ITGA1: variants seen among roughly 807,000 people sequenced by gnomAD.
The protein encoded by ITGA1 is integrin alpha-1.
In ITGA1, 85 loss-of-function variants were observed where a neutral mutation model predicts 145.9. The ratio of observed to expected loss-of-function variants is 0.58; its 90% CI spans 0.49 to 0.70. ITGA1 has a LOEUF of 0.70. Among genes scored for constraint, ITGA1 ranks in the 30% least tolerant of loss-of-function variants. The pLI is 0.00. For synonymous variants in ITGA1, 520 were observed against 495.3 expected (o/e 1.05, Z -0.66); for missense variants, 1,351 against 1,418.7 (o/e 0.95, Z 0.77).
chr5:52,914,591 G>A (rs1158825221), intron 14 of ITGA1, among the ~76,000 whole-genome samples: 1 of 134,376 alleles, frequency 7.4e-6, no homozygotes, highest in Non-Finnish European at 1.7e-5. Flanking sequence ...AGCCGAGATA[G>A]CGTCTCAAAA....
intron 1 of ITGA1, among the ~76,000 whole-genome samples, chr5:52,805,785 C>CGGTG (rs1748580014): frequency 6.6e-6 from 1 of 151,944 alleles, no homozygotes; most frequent in African/African-American, 2.4e-5. Context: ...TTTGTCTCAC[C>CGGTG]AGACAAATCA....
intron 24 of ITGA1, among the ~76,000 whole-genome samples, chr5:52,939,184 T>TGAGCC (rs1482063562): frequency 6.6e-6 from 1 of 152,196 alleles, no homozygotes; most frequent in Non-Finnish European, 1.5e-5. Context: ...ATTACAGGTG[T>TGAGCC]GAGCCACTGT....
At chr5:52,873,815 A>G (rs1421803290) in intron 6 of ITGA1, among the ~76,000 whole-genome samples, 1 of 152,164 alleles carries the variant, frequency 6.6e-6, no homozygotes, top group Middle Eastern at 3.2e-3. Context: ...TCACCTTGTC[A>G]TTACTTCTGT....
rs1474550144 is a variant in ITGA1 at position 52,956,098 on chromosome 5, A to T, written c.*3647A>T. The stretch of plus-strand genomic sequence containing the variant: ...GCCATTGTTGTGATCAATGGAGTAA[A>T]GCTGGGGTATAGTAGAGGCTGGGGA... On this transcript the variant is annotated 3_prime_UTR_variant, in exon 29 of 29. Coordinates refer to ENST00000282588, the MANE Select transcript of ITGA1 (RefSeq NM_181501.2). The T allele has an allele frequency of 1.3e-5, 2 of 152,156 alleles. No individual in the cohort carries two copies. The highest frequency in any genetic ancestry group is 2.4e-5 in the African/African-American group (1 of 41,432). 9.4% of individuals were successfully genotyped at this position (152,156 alleles called of 1,614,324 possible).
chr5:52,941,916 T>A (rs1192542900), intron 26 of ITGA1, among the ~76,000 whole-genome samples: 3 of 152,200 alleles, frequency 2.0e-5, no homozygotes, highest in Non-Finnish European at 1.5e-5. Flanking sequence ...AAAGGTCTTA[T>A]ATTTAAATCT....
intron 13 of ITGA1, 27 bp downstream of exon 13, chr5:52,909,068 T>C (rs572592195): frequency 3.1e-6 from 5 of 1,588,540 alleles, no homozygotes; most frequent in African/African-American, 1.4e-5. Context: ...TTGGTAGAAA[T>C]CCAGGAAAAT....
intron 1 of ITGA1, among the ~76,000 whole-genome samples, chr5:52,819,744 T>A (rs78654489): frequency 0.26 from 38,979 of 152,066 alleles, 5,343 homozygotes; most frequent in Non-Finnish European, 0.3. Flanking sequence ...CTGAATGGTA[T>A]TGCCTAGGTT....
intron 1 of ITGA1, among the ~76,000 whole-genome samples, chr5:52,832,894 A>C (rs1749097946): frequency 1.3e-5 from 2 of 150,694 alleles, no homozygotes; most frequent in Admixed American, 1.3e-4. Flanking sequence ...TTAAGCCATC[A>C]AAAGCTTTGA....
chr5:52,874,314 C>G lies in ITGA1; in HGVS notation c.625-7559C>G, dbSNP rs923102865. On this transcript the variant is annotated intron_variant, in intron 6 of 28. Coordinates refer to ENST00000282588, the MANE Select transcript of ITGA1 (RefSeq NM_181501.2). ...TGAGAACTCACTCCTGTGATAAAGTCCCTCTTGACTCCTCTTTTTGCCTCT... is the reference window on the plus strand; with the variant it reads ...TGAGAACTCACTCCTGTGATAAAGTGCCTCTTGACTCCTCTTTTTGCCTCT... 2.6e-5 allele frequency among the ~76,000 whole-genome samples: 4 copies of G among 151,908 alleles called. No homozygotes were observed. In the East Asian group the frequency reaches 7.8e-4, roughly 29 times the overall value.
chr5:52,821,053 CATT>C (rs1748871851), intron 1 of ITGA1, among the ~76,000 whole-genome samples: 1 of 152,070 alleles, frequency 6.6e-6, no homozygotes, highest in African/African-American at 2.4e-5. Context: ...CCATTACAGT[CATT>C]GTATGAAACA....
In ITGA1 at chr5:52,918,722, T is replaced by C. The variant is rs376452785; in HGVS notation, c.1989-10T>C. ...AAATGTGTGAGTAATCCCATTGTTT[T>C]TGTTTGTAGGTCCCGAGATGTGGCC... On this transcript the variant is annotated splice_polypyrimidine_tract_variant and intron_variant, in intron 15 of 28. Transcript: ENST00000282588. 3 of 1,598,018 alleles carry C rather than the reference T, an allele frequency of 1.9e-6. No homozygotes were observed. Among genetic ancestry groups the C allele is most frequent in the Non-Finnish European group, 2.6e-6 (3 of 1,174,976 alleles).
In ITGA1 at chr5:52,922,781, A is replaced by C; in HGVS notation, c.2297A>C (p.Lys766Thr). The change falls in exon 18 of 29, where the codon AAG becomes ACG. Residue 766 changes from lysine (K) to threonine (T), a missense_variant. By Grantham distance (78) the Lys-to-Thr change is moderately conservative. Coordinates refer to ENST00000282588, the MANE Select transcript of ITGA1 (RefSeq NM_181501.2). Reference protein sequence around the residue: ...CTKHSFYMLDKHDFQDSVRIT... With the variant: ...CTKHSFYMLDTHDFQDSVRIT... ...ATTTTATGTTTCACCCTCTAGGACA[A>C]GCATGACTTTCAGGACTCTGTGAGA... is the stretch of plus-strand genomic sequence containing the variant. 1 of 1,602,736 alleles carries C rather than the reference A, an allele frequency of 6.2e-7. No individual in the cohort carries two copies. Among genetic ancestry groups the C allele is most frequent in the Non-Finnish European group, 8.5e-7 (1 of 1,169,986 alleles).
At chr5:52,842,519 C>T (rs1487037285) in intron 1 of ITGA1, among the ~76,000 whole-genome samples, 2 of 152,132 alleles carry the variant, frequency 1.3e-5, no homozygotes, top group Non-Finnish European at 2.9e-5. Flanking sequence ...TGGATTCTAC[C>T]TACGAAATCA....
At position 52,859,889 on chromosome 5, in the gene ITGA1, C is replaced by T. The variant is rs573234929; in HGVS notation, c.183-1558C>T. Among the ~76,000 whole-genome samples, 28 of 152,318 alleles carry T rather than the reference C, an allele frequency of 1.8e-4. No individual in the cohort carries two copies. The South Asian group carries it at 5.6e-3, about 30-fold the overall frequency. Reference sequence around the variant, plus strand: ...GGGGACTATCACTGCTTGACCAGGGCATCTATTTCCAGCACTGCAGACTAA... The same window carrying T: ...GGGGACTATCACTGCTTGACCAGGGTATCTATTTCCAGCACTGCAGACTAA... On this transcript the variant is annotated intron_variant, in intron 2 of 28. Coordinates refer to ENST00000282588, the MANE Select transcript of ITGA1 (RefSeq NM_181501.2).
chr5:52,862,153 G>A (rs568717485), intron 3 of ITGA1, among the ~76,000 whole-genome samples: 17 of 148,600 alleles, frequency 1.1e-4, no homozygotes, highest in African/African-American at 3.7e-4. Flanking sequence ...GGGAGGCAGA[G>A]GTTGTGTTAA....
intron 1 of ITGA1, among the ~76,000 whole-genome samples, chr5:52,833,511 C>A (rs1359462661): frequency 6.6e-6 from 1 of 152,088 alleles, no homozygotes; most frequent in African/African-American, 2.4e-5. Context: ...AACATGCATA[C>A]CCCAGACATT....
intron 20 of ITGA1, among the ~76,000 whole-genome samples, chr5:52,929,188 G>A (rs950893266): frequency 2.0e-5 from 3 of 152,114 alleles, no homozygotes; most frequent in Non-Finnish European, 2.9e-5. Flanking sequence ...AGTGTCTGGT[G>A]AGGGCCCATT....
At chr5:52,833,191 C>CA (rs111452221) in intron 1 of ITGA1, among the ~76,000 whole-genome samples, 1,543 of 139,696 alleles carry the variant, frequency 0.011, 18 homozygotes, top group African/African-American at 0.023. Context: ...GACTCTGTCT[C>CA]AAAAAAAAAA....
chr5:52,858,467 C>T (rs897782191), intron 2 of ITGA1, among the ~76,000 whole-genome samples: 2 of 152,168 alleles, frequency 1.3e-5, no homozygotes, highest in African/African-American at 4.8e-5. Flanking sequence ...AAGTTATAAG[C>T]AAACTAAAAA....
Sources: gnomAD v4.1 joint callset for allele counts (sites outside exome capture counted in the v4.1 genomes callset) on GRCh38, gnomAD v4.1.1 for gene constraint, MANE v1.5 for transcripts, NCBI Gene and HGNC (gene_info 2026-07-23, HGNC 2026-07-21) for gene names.